Variants in OSBPL6 observed in about 807,000 individuals in gnomAD.
OSBPL6 encodes the protein oxysterol-binding protein-related protein 6.
A neutral mutation model predicts 125.8 loss-of-function variants in OSBPL6; 49 were observed. The observed-to-expected ratio is 0.39, with a 90% CI of 0.31 to 0.49. The LOEUF is 0.49. OSBPL6 is among the 20% of genes least tolerant of loss of function. OSBPL6 has a pLI of 0.88. For missense variants in OSBPL6, 986 were observed against 1,135.4 expected, an observed-to-expected ratio of 0.87 and a Z score of 1.89; for synonymous variants, 394 against 391.8, an observed-to-expected ratio of 1.01 and a Z score of -0.07.
chr2:178,358,607 A>G (rs1460707502), intron 12 of OSBPL6, among the ~76,000 whole-genome samples: 1 of 152,200 alleles, frequency 6.6e-6, no homozygotes, highest in Non-Finnish European at 1.5e-5. Flanking sequence ...CTAAAAATAG[A>G]TAAAAGACCT....
At chr2:178,379,992 A>T (rs1365600594) in intron 15 of OSBPL6, among the ~76,000 whole-genome samples, 3 of 152,238 alleles carry the variant, frequency 2.0e-5, no homozygotes, top group Admixed American at 6.5e-5. Context: ...AAAGACAAAG[A>T]CCAGTTGTTT....
intron 13 of OSBPL6, among the ~76,000 whole-genome samples, chr2:178,371,263 A>G (rs978604028): frequency 6.6e-6 from 1 of 152,198 alleles, no homozygotes; most frequent in Admixed American, 6.5e-5. Flanking sequence ...TAAATGGAAC[A>G]TGTTTCTGTG....
chr2:178,357,782 C>T (rs895189633), intron 12 of OSBPL6, among the ~76,000 whole-genome samples: 3 of 152,132 alleles, frequency 2.0e-5, no homozygotes, highest in Admixed American at 6.6e-5. Context: ...GACACATGCA[C>T]ACATATGTTT....
In OSBPL6 at chr2:178,391,131, G is replaced by T. The variant is rs141909178; in HGVS notation, c.2360G>T (p.Gly787Val). 1 of 1,613,824 alleles carries T rather than the reference G, an allele frequency of 6.2e-7. No homozygotes were observed. The highest frequency in any genetic ancestry group is 8.5e-7 in the Non-Finnish European group (1 of 1,179,944). ...CAGGGGGTGGTGATAGATCAGGAGG[G>T]GAAGGCGGTGTACCGGCTGTTTGGA... ...EVQGVVIDQE[G>V]KAVYRLFGKW... The change falls in exon 22 of 25, where the codon GGG becomes GTG. Residue 787 changes from glycine (G) to valine (V), a missense_variant. Physicochemically the swap from Gly to Val is moderately radical, Grantham distance 109. Transcript: ENST00000190611.
chr2:178,321,575 A>G (rs1688249282), intron 3 of OSBPL6, among the ~76,000 whole-genome samples: 1 of 152,214 alleles, frequency 6.6e-6, no homozygotes, highest in South Asian at 2.1e-4. Flanking sequence ...TGAATAGACA[A>G]TGATAGGTTC....
chr2:178,292,266 G>C (rs1439534793), intron 2 of OSBPL6, among the ~76,000 whole-genome samples: 2 of 152,094 alleles, frequency 1.3e-5, no homozygotes, highest in Non-Finnish European at 1.5e-5. Flanking sequence ...TTTACATACA[G>C]AAGAATGATT....
chr2:178,258,892 T>TA (rs1394726023), intron 1 of OSBPL6, among the ~76,000 whole-genome samples: 7 of 152,224 alleles, frequency 4.6e-5, no homozygotes, highest in Non-Finnish European at 1.0e-4. Flanking sequence ...TGGTTTTTTT[T>TA]AATCAGGAAT....
chr2:178,198,144 G>A (rs945975745), intron 1 of OSBPL6, among the ~76,000 whole-genome samples: 6 of 152,184 alleles, frequency 3.9e-5, no homozygotes, highest in East Asian at 1.9e-4. Flanking sequence ...AAGGCTCCTC[G>A]TTAGGAGGCA....
intron 1 of OSBPL6, among the ~76,000 whole-genome samples, chr2:178,257,544 C>A (rs1227148768): frequency 6.6e-6 from 1 of 152,134 alleles, no homozygotes; most frequent in African/African-American, 2.4e-5. Flanking sequence ...TGAGTAATTA[C>A]AAATCCTCAT....
chr2:178,241,554 T>C (rs1480310041), intron 1 of OSBPL6, among the ~76,000 whole-genome samples: 1 of 151,944 alleles, frequency 6.6e-6, no homozygotes, highest in Admixed American at 6.6e-5. Context: ...TAGCTGGGAT[T>C]ACAGGCTCGC....
At chr2:178,195,297 C>T (rs2088813614) in intron 1 of OSBPL6, among the ~76,000 whole-genome samples, 1 of 152,214 alleles carries the variant, frequency 6.6e-6, no homozygotes, top group African/African-American at 2.4e-5. Context: ...CAGCCTCCGT[C>T]CACTCCCCCG....
Position 178,384,126 on chromosome 2 carries a change from A to C in OSBPL6, c.1963A>C (p.Thr655Pro). Residue 655 changes from threonine to proline, a missense_variant, in exon 18 of 25, where the codon ACT (threonine) becomes CCT (proline). Transcript: ENST00000190611. ...SKPFNPVLGE[T>P]YECIREDKGF... ...GCCATTCAACCCAGTCCTTGGGGAGACTTATGAATGCATTAGAGAAGACAA... is the reference window on the plus strand; with the variant it reads ...GCCATTCAACCCAGTCCTTGGGGAGCCTTATGAATGCATTAGAGAAGACAA... The C allele has an allele frequency of 6.2e-7, 1 of 1,614,070 alleles. No individual in the cohort carries two copies. The highest frequency in any genetic ancestry group is 8.5e-7 in the Non-Finnish European group (1 of 1,179,980).
At position 178,361,782 on chromosome 2, in the gene OSBPL6, G is replaced by C; in HGVS notation, c.1254G>C (p.Thr418=). ...SEQDHSKGHS[T]QMARLRQSLS... is the part of the protein sequence containing the mutation. ...AGGATCACAGTAAAGGCCACAGCAC[G>C]CAGATGGCACGGCTCCGACAGTCAC... The change falls in exon 13 of 25, where the codon ACG becomes ACC. Residue 418 remains threonine, a synonymous_variant. Transcript: ENST00000190611. 1.2e-6 allele frequency: 2 copies of C among 1,614,130 alleles called. No homozygotes were observed. The highest frequency in any genetic ancestry group is 1.7e-6 in the Non-Finnish European group (2 of 1,179,988).
intron 1 of OSBPL6, among the ~76,000 whole-genome samples, chr2:178,261,483 A>G (rs759298275): frequency 1.8e-4 from 28 of 152,168 alleles, no homozygotes; most frequent in African/African-American, 5.5e-4. Flanking sequence ...ATCAAAGACT[A>G]TAATATAGAA....
chr2:178,254,339 G>A (rs996549763), intron 1 of OSBPL6, among the ~76,000 whole-genome samples: 1 of 151,400 alleles, frequency 6.6e-6, no homozygotes, highest in African/African-American at 2.4e-5. Flanking sequence ...GTTGCAGTGA[G>A]CTGAGATCAT....
At chr2:178,280,845 A>C (rs1684089672) in intron 1 of OSBPL6, among the ~76,000 whole-genome samples, 1 of 152,112 alleles carries the variant, frequency 6.6e-6, no homozygotes, top group Non-Finnish European at 1.5e-5. Context: ...AGTTCCTTGT[A>C]GACTCTGGTT....
intron 1 of OSBPL6, among the ~76,000 whole-genome samples, chr2:178,211,518 C>A (rs1184292490): frequency 1.3e-5 from 2 of 152,134 alleles, no homozygotes; most frequent in African/African-American, 4.8e-5. Context: ...GGGCTCCTGC[C>A]AGAGCAAGAT....
At chr2:178,211,947 C>G (rs1019552382) in intron 1 of OSBPL6, among the ~76,000 whole-genome samples, 1 of 152,166 alleles carries the variant, frequency 6.6e-6, no homozygotes, top group African/African-American at 2.4e-5. Flanking sequence ...GTTTTGATTT[C>G]CAGGTCATAA....
chr2:178,336,286 C>G lies in OSBPL6; in HGVS notation c.658-15C>G. ...ACTGTTTCATAACCATACAATTCAT[C>G]TTTGTTTGCCGTAGATGCAACCAAA... On this transcript the variant is annotated splice_polypyrimidine_tract_variant and intron_variant, in intron 8 of 24. Transcript: ENST00000190611. 1.9e-6 allele frequency: 3 copies of G among 1,612,186 alleles called. No individual in the cohort carries two copies. Among genetic ancestry groups the G allele is most frequent in the Non-Finnish European group, 2.5e-6 (3 of 1,179,222 alleles).
Sources: allele counts gnomAD v4.1 joint callset (sites outside exome capture counted in the v4.1 genomes callset), GRCh38; gene constraint gnomAD v4.1.1; transcripts MANE v1.5; gene names NCBI Gene and HGNC (gene_info 2026-07-23, HGNC 2026-07-21).